The following PDE4D variants were observed in gnomAD, a reference collection of about 807,000 sequenced individuals.
The protein encoded by PDE4D is 3',5'-cyclic-AMP phosphodiesterase 4D.
In PDE4D, 24 loss-of-function variants were observed where a neutral mutation model predicts 87.4. The observed-to-expected ratio is 0.27, with a 90% CI of 0.20 to 0.39. PDE4D has a LOEUF of 0.39. Among genes scored for constraint, PDE4D ranks in the 10% least tolerant of loss-of-function variants. The pLI is 1.00. For synonymous variants in PDE4D, 384 were observed against 383.2 expected, an observed-to-expected ratio of 1.00 and a Z score of -0.02; for missense variants, 714 against 1,041.0, an observed-to-expected ratio of 0.69 and a Z score of 4.32.
intron 1 of PDE4D, among the ~76,000 whole-genome samples, chr5:59,541,107 A>G (rs1816260921): frequency 6.6e-6 from 1 of 152,188 alleles, no homozygotes; most frequent in African/African-American, 2.4e-5. Flanking sequence ...CAATTACAAG[A>G]TACTACATCA....
At position 59,514,781 on chromosome 5, in the gene PDE4D, C is replaced by T. The variant is rs115335579; in HGVS notation, c.456-298813G>A. Among the ~76,000 whole-genome samples the T allele has an allele frequency of 7.8e-3, 1,181 of 152,244 alleles. 9 individuals carry two copies. Among genetic ancestry groups the T allele is most frequent in the African/African-American group, 0.027 (1,107 of 41,540 alleles). ...TTCATCAGTAAGATGCTGATTATAA[C>T]AGAGTGTGTCTCAAAAACTAGTATA... On this transcript the variant is annotated intron_variant, in intron 1 of 14. Coordinates refer to ENST00000340635, the MANE Select transcript of PDE4D (RefSeq NM_001104631.2).
chr5:59,449,728 G>T (rs1307530750), intron 1 of PDE4D, among the ~76,000 whole-genome samples: 1 of 152,060 alleles, frequency 6.6e-6, no homozygotes, highest in African/African-American at 2.4e-5. Flanking sequence ...GAAGTCTTAT[G>T]TTGGTGGGGG....
intron 2 of PDE4D, among the ~76,000 whole-genome samples, chr5:60,157,869 T>G (rs932206213): frequency 9.9e-5 from 15 of 151,062 alleles, no homozygotes; most frequent in Non-Finnish European, 2.1e-4. Context: ...TTTTTCTTTT[T>G]TCTTTTCCTT....
At chr5:60,022,195 T>G (rs1373135686) in intron 2 of PDE4D, among the ~76,000 whole-genome samples, 1 of 152,194 alleles carries the variant, frequency 6.6e-6, no homozygotes, top group Non-Finnish European at 1.5e-5. Context: ...TGTAGCTTTA[T>G]TCTCCTTAAA....
rs137856615 is a variant in PDE4D, at chr5:59,821,446, C to A, written c.455+71722G>T. On this transcript the variant is annotated intron_variant, in intron 1 of 14. Coordinates refer to ENST00000340635, the MANE Select transcript of PDE4D (RefSeq NM_001104631.2). ...GTGGAGACATCCATTTACACACTTA[C>A]ATTGAATGAATAAAGACTGTCTATT... Among the ~76,000 whole-genome samples, 769 of 149,016 alleles carry A rather than the reference C, an allele frequency of 5.2e-3. 4 individuals carry two copies. Among genetic ancestry groups the A allele is most frequent in the Non-Finnish European group, 8.7e-3 (585 of 67,414 alleles).
chr5:58,975,715 C>T lies in PDE4D; in HGVS notation c.1955G>A (p.Arg652His). The T allele has an allele frequency of 5.6e-6, 9 of 1,613,278 alleles. No individual in the cohort carries two copies. Among genetic ancestry groups the T allele is most frequent in the South Asian group, 1.1e-5 (1 of 91,004 alleles). ...ACACATGGGGCTTATCTCCATGCCA[C>T]GTTCCCTCTCTCGGTCTCCTTGGCG... The part of the protein sequence containing the change: ...FFRQGDRERE[R>H]GMEISPMCDK... Residue 652 changes from arginine to histidine, a missense_variant, in exon 14 of 15, where the codon CGT (arginine) becomes CAT (histidine). Physicochemically the swap from Arg to His is conservative, Grantham distance 29. Transcript: ENST00000340635. This position sits in a 1 kb window ranked among gnomAD's most constrained non-coding sequence, Gnocchi z 4.2.
chr5:59,825,842 G>A (rs1359658089), intron 1 of PDE4D, among the ~76,000 whole-genome samples: 1 of 152,154 alleles, frequency 6.6e-6, no homozygotes, highest in African/African-American at 2.4e-5. Context: ...CAGCAGCTGG[G>A]AGGAAACTGC....
At chr5:59,463,638 G>T (rs1801103833) in intron 1 of PDE4D, among the ~76,000 whole-genome samples, 1 of 152,208 alleles carries the variant, frequency 6.6e-6, no homozygotes, top group African/African-American at 2.4e-5. Context: ...GCTAGATAAT[G>T]CAAGTGCTCA....
intron 2 of PDE4D, among the ~76,000 whole-genome samples, chr5:60,035,585 C>A (rs1324724168): frequency 6.6e-6 from 1 of 152,058 alleles, no homozygotes; most frequent in African/African-American, 2.4e-5. Flanking sequence ...TTTAGAGATA[C>A]TTAAGGATTA....
At chr5:60,396,638 C>G (rs192628702) in intron 1 of PDE4D, among the ~76,000 whole-genome samples, 1 of 152,262 alleles carries the variant, frequency 6.6e-6, no homozygotes, top group East Asian at 1.9e-4. Flanking sequence ...TCAAGGGAGC[C>G]TGCCTCAGCC....
intron 1 of PDE4D, among the ~76,000 whole-genome samples, chr5:59,624,906 C>A (rs185097877): frequency 6.6e-6 from 1 of 152,282 alleles, no homozygotes. Flanking sequence ...CTAATCTTCT[C>A]TCCTTTTCAA....
intron 1 of PDE4D, among the ~76,000 whole-genome samples, chr5:59,459,240 GA>G (rs1376809449): frequency 6.6e-6 from 1 of 152,076 alleles, no homozygotes; most frequent in African/African-American, 2.4e-5. Context: ...CTTATGTACT[GA>G]AAAAACCAGG....
chr5:59,645,445 T>C (rs1429329185), intron 1 of PDE4D, among the ~76,000 whole-genome samples: 4 of 152,198 alleles, frequency 2.6e-5, no homozygotes, highest in Non-Finnish European at 5.9e-5. Context: ...TAGTTAGCAC[T>C]GGGGTGACTG....
At chr5:60,061,632 C>A (rs937461534) in intron 2 of PDE4D, among the ~76,000 whole-genome samples, 1 of 152,134 alleles carries the variant, frequency 6.6e-6, no homozygotes, top group Non-Finnish European at 1.5e-5. Flanking sequence ...CAAAACAATT[C>A]TAAGCAAAAA....
intron 5 of PDE4D, among the ~76,000 whole-genome samples, chr5:59,156,420 T>G (rs1453815518): frequency 8.7e-5 from 13 of 149,842 alleles, no homozygotes; most frequent in African/African-American, 3.2e-4. Flanking sequence ...GCCAAGGAGA[T>G]GTAAGTAGAA....
chr5:60,289,294 A>T (rs1752687422), intron 1 of PDE4D, among the ~76,000 whole-genome samples: 1 of 152,168 alleles, frequency 6.6e-6, no homozygotes, highest in Non-Finnish European at 1.5e-5. Context: ...AAATAACAGA[A>T]TGCAAAGTCC....
At chr5:60,331,798 A>G (rs1014836761) in intron 1 of PDE4D, among the ~76,000 whole-genome samples, 1 of 152,178 alleles carries the variant, frequency 6.6e-6, no homozygotes, top group Non-Finnish European at 1.5e-5. Flanking sequence ...CTATGGGAGT[A>G]TAAGAATTTT....
At chr5:59,329,393 T>C (rs1258185646) in intron 1 of PDE4D, among the ~76,000 whole-genome samples, 1 of 152,216 alleles carries the variant, frequency 6.6e-6, no homozygotes, top group African/African-American at 2.4e-5. Context: ...TATACCTTTT[T>C]ATTGAAGCCC....
intron 2 of PDE4D, among the ~76,000 whole-genome samples, chr5:60,149,216 A>G (rs190695655): frequency 1.2e-4 from 18 of 152,306 alleles, no homozygotes; most frequent in Admixed American, 3.9e-4. Flanking sequence ...TAACTTACAA[A>G]GAAAAGAAGT....
Sources: gnomAD v4.1 joint callset for allele counts (sites outside exome capture counted in the v4.1 genomes callset) on GRCh38, gnomAD v4.1.1 for gene constraint, Gnocchi (gnomAD v3.1) non-coding constraint, MANE v1.5 for transcripts, NCBI Gene and HGNC (gene_info 2026-07-23, HGNC 2026-07-21) for gene names.